RIC1: variants seen among roughly 807,000 people sequenced by gnomAD.
RIC1 encodes the protein guanine nucleotide exchange factor subunit RIC1.
A neutral mutation model predicts 169.0 loss-of-function variants in RIC1; 88 were observed. The observed-to-expected ratio is 0.52, with a 90% CI of 0.44 to 0.62. The LOEUF (loss-of-function observed/expected upper bound fraction) is 0.62, where lower values mean the gene tolerates loss of function less well. Among genes scored for constraint, RIC1 ranks in the 20% least tolerant of loss-of-function variants. The pLI, the probability that RIC1 is intolerant of heterozygous loss-of-function variation, is 0.00. For synonymous variants in RIC1, 790 were observed against 601.5 expected (o/e 1.31, Z -4.59); for missense variants, 1,877 against 1,725.5 (o/e 1.09, Z -1.56).
chr9:5,664,338 A>G (rs10758698), intron 2 of RIC1, among the ~76,000 whole-genome samples: 51,173 of 151,722 alleles, frequency 0.34, 9,100 homozygotes, highest in East Asian at 0.6. Flanking sequence ...GCTTGAACCC[A>G]GAAGGCAGAG....
At chr9:5,734,267 C>T (rs1469130970) in intron 7 of RIC1, among the ~76,000 whole-genome samples, 23 of 151,704 alleles carry the variant, frequency 1.5e-4, no homozygotes, top group Non-Finnish European at 2.9e-5. Flanking sequence ...CCACCATGCC[C>T]GGCTAATTTT....
At chr9:5,754,455 G>A (rs943985760) in intron 14 of RIC1, among the ~76,000 whole-genome samples, 1 of 152,162 alleles carries the variant, frequency 6.6e-6, no homozygotes, top group Non-Finnish European at 1.5e-5. Flanking sequence ...GGCTGGGCGT[G>A]TGGTGGCTCA....
At chr9:5,707,362 G>C (rs985236455) in intron 3 of RIC1, among the ~76,000 whole-genome samples, 5 of 152,080 alleles carry the variant, frequency 3.3e-5, no homozygotes, top group African/African-American at 1.2e-4. Flanking sequence ...GCTGTTGGGT[G>C]GCATATTCAG....
In RIC1 at chr9:5,720,332, T is replaced by G. The variant is rs1215033076; in HGVS notation, c.583+8T>G. ...ACCTGCAGTCATCTAGAGGTAGCTA[T>G]ACTTTCTACATGAGGTTGAACCAGT... On this transcript the variant is annotated splice_region_variant and intron_variant, in intron 5 of 25. Transcript: ENST00000414202. The G allele has an allele frequency of 1.2e-6, 2 of 1,608,918 alleles. No homozygotes were observed. Among genetic ancestry groups the G allele is most frequent in the Non-Finnish European group, 8.5e-7 (1 of 1,177,714 alleles).
chr9:5,641,612 T>C (rs577117436), intron 1 of RIC1, among the ~76,000 whole-genome samples: 2 of 152,088 alleles, frequency 1.3e-5, no homozygotes, highest in Admixed American at 1.3e-4. Flanking sequence ...TTCTATTCTT[T>C]TTTCTTTTGT....
At chr9:5,635,238 C>A (rs555547935) in intron 1 of RIC1, among the ~76,000 whole-genome samples, 1 of 152,292 alleles carries the variant, frequency 6.6e-6, no homozygotes, top group East Asian at 1.9e-4. Flanking sequence ...TCTCAGCCTC[C>A]TAAAGTGCTA....
At chr9:5,632,502 TG>T (rs1817765695) in intron 1 of RIC1, among the ~76,000 whole-genome samples, 1 of 152,194 alleles carries the variant, frequency 6.6e-6, no homozygotes, top group African/African-American at 2.4e-5. Flanking sequence ...AGTATAGTGT[TG>T]TTTATGAACA....
chr9:5,683,069 T>G (rs943429049), intron 2 of RIC1, among the ~76,000 whole-genome samples: 1 of 152,102 alleles, frequency 6.6e-6, no homozygotes, highest in Non-Finnish European at 1.5e-5. Context: ...ATTCGTCTAA[T>G]TTTTTTTCAA....
At chr9:5,726,093 A>C (rs891927060) in intron 6 of RIC1, among the ~76,000 whole-genome samples, 3 of 152,156 alleles carry the variant, frequency 2.0e-5, no homozygotes, top group African/African-American at 7.2e-5. Flanking sequence ...GCTGAGTTCA[A>C]TTCCTGGATA....
chr9:5,712,880 G>A (rs1204662720), intron 3 of RIC1: 1 of 152,018 alleles, frequency 6.6e-6, no homozygotes, highest in Non-Finnish European at 1.5e-5. Context: ...GACTTAGAAG[G>A]AATTAAGTAA....
chr9:5,712,923 T>A (rs1025729729), intron 3 of RIC1: 7 of 152,138 alleles, frequency 4.6e-5, no homozygotes, highest in African/African-American at 1.4e-4. Flanking sequence ...CAGGATAGAA[T>A]GGTAATAAAT....
chr9:5,771,593 TCG>T (rs146410865), intron 23 of RIC1, among the ~76,000 whole-genome samples: 29,789 of 151,950 alleles, frequency 0.2, 3,573 homozygotes, highest in East Asian at 0.37. Context: ...TTTTGAGGAA[TCG>T]CCATGTTTCC....
chr9:5,700,816 A>G (rs1366039781), intron 3 of RIC1, among the ~76,000 whole-genome samples: 1 of 152,188 alleles, frequency 6.6e-6, no homozygotes, highest in Non-Finnish European at 1.5e-5. Flanking sequence ...AGGAGTCACA[A>G]ATAATAATCT....
intron 4 of RIC1, among the ~76,000 whole-genome samples, chr9:5,719,762 C>T (rs1177458987): frequency 6.6e-6 from 1 of 152,220 alleles, no homozygotes; most frequent in Non-Finnish European, 1.5e-5. Flanking sequence ...ACATTTCCAT[C>T]ATTATTCAAA....
At chr9:5,733,051 TTAAATTTTAGCTCA>T (rs1337884332) in intron 7 of RIC1, among the ~76,000 whole-genome samples, 1 of 152,164 alleles carries the variant, frequency 6.6e-6, no homozygotes, top group Admixed American at 6.5e-5. Context: ...TTGGTTGAGC[TTAAATTTTAGCTCA>T]TAAATTTTAG....
Position 5,643,137 on chromosome 9 carries a change from T to C in RIC1, c.145-13446T>C, listed in dbSNP as rs192135669. Reference sequence around the variant, plus strand: ...CAGTATAGGGAGACCCCCATCTCTATAAAAAATAAAAATAAAAAAATCAGC... The same window carrying C: ...CAGTATAGGGAGACCCCCATCTCTACAAAAAATAAAAATAAAAAAATCAGC... On this transcript the variant is annotated intron_variant, in intron 1 of 25. Coordinates refer to ENST00000414202, the MANE Select transcript of RIC1 (RefSeq NM_020829.4). Among the ~76,000 whole-genome samples the C allele has an allele frequency of 5.3e-3, 810 of 152,054 alleles. 8 individuals are homozygous for C. The highest frequency in any genetic ancestry group is 6.8e-3 in the Middle Eastern group (2 of 294).
rs368877653 is a variant in RIC1, at chr9:5,762,668, A to G, written c.2112+8A>G. ...AATAACCAAAGGAAACTTGTGAGTA[A>G]AGTACTAGTCATTTCTTTTCAAACA... On this transcript the variant is annotated splice_region_variant and intron_variant, in intron 18 of 25. Transcript: ENST00000414202. 6.2e-7 allele frequency: 1 copy of G among 1,612,786 alleles called. No individual in the cohort carries two copies. The highest frequency in any genetic ancestry group is 8.5e-7 in the Non-Finnish European group (1 of 1,179,384).
intron 1 of RIC1, among the ~76,000 whole-genome samples, chr9:5,630,106 T>G (rs372620116): frequency 6.6e-6 from 1 of 152,182 alleles, no homozygotes; most frequent in African/African-American, 2.4e-5. Context: ...CTCAAATCTG[T>G]CCGCGGAACT....
At chr9:5,682,283 G>C (rs1820898006) in intron 2 of RIC1, among the ~76,000 whole-genome samples, 1 of 152,166 alleles carries the variant, frequency 6.6e-6, no homozygotes, top group East Asian at 1.9e-4. Flanking sequence ...GCATGTTTTT[G>C]CAGTGGCTGG....
Sources: gnomAD v4.1 joint callset for allele counts (sites outside exome capture counted in the v4.1 genomes callset) on GRCh38, gnomAD v4.1.1 for gene constraint, MANE v1.5 for transcripts, NCBI Gene and HGNC (gene_info 2026-07-23, HGNC 2026-07-21) for gene names.